GNB1L: variants seen among roughly 807,000 people sequenced by gnomAD.
GNB1L encodes guanine nucleotide-binding protein subunit beta-like protein 1.
In GNB1L, 20 loss-of-function variants were observed where a neutral mutation model predicts 29.1. The observed-to-expected ratio is 0.69, with a 90% CI of 0.48 to 1.00. The LOEUF (loss-of-function observed/expected upper bound fraction) is 1.00. Ranked by LOEUF, GNB1L falls within the 50% of genes least tolerant of loss-of-function variation. The probability of loss-of-function intolerance (pLI) is 0.00; values close to 1 mark genes in which losing one functional copy is unlikely to be tolerated. For synonymous variants in GNB1L, 193 were observed against 206.5 expected, an observed-to-expected ratio of 0.93 and a Z score of 0.56; for missense variants, 421 against 464.9, an observed-to-expected ratio of 0.91 and a Z score of 0.87.
intron 4 of GNB1L, among the ~76,000 whole-genome samples, chr22:19,813,060 C>T (rs757159957): frequency 2.0e-5 from 3 of 152,184 alleles, no homozygotes; most frequent in Admixed American, 6.5e-5. Flanking sequence ...GGAGATGTGA[C>T]GAAGAGGCAC....
At chr22:19,852,106 A>C (rs1938119755) in intron 2 of GNB1L, 1 of 1,614,100 alleles carries the variant, frequency 6.2e-7, no homozygotes, top group South Asian at 1.1e-5. Flanking sequence ...CGGTGTCCCC[A>C]CAGCAGGGCC....
chr22:19,804,868 C>T (rs1937414777), intron 6 of GNB1L, among the ~76,000 whole-genome samples: 1 of 152,244 alleles, frequency 6.6e-6, no homozygotes, highest in South Asian at 2.1e-4. Flanking sequence ...CATGATTGTG[C>T]AATGACCCAC....
chr22:19,793,153 C>CAA, intron 7 of GNB1L: 13 of 912,570 alleles, frequency 1.4e-5, no homozygotes, highest in Non-Finnish European at 1.6e-5. Context: ...AATTTTCCTT[C>CAA]AAAAAAAAAA....
intron 2 of GNB1L, among the ~76,000 whole-genome samples, chr22:19,837,097 G>A (rs1247709416): frequency 6.6e-6 from 1 of 151,876 alleles, no homozygotes; most frequent in Non-Finnish European, 1.5e-5. Context: ...CTCCTGAGTA[G>A]CTGGGACTAC....
rs1491434363 is a variant in GNB1L at position 19,847,803 on chromosome 22, GCA to G, written c.-21+6638_-21+6639del. The G allele has an allele frequency of 1.1e-5, 5 of 440,404 alleles. 1 individual carries two copies. The African/African-American group carries it at 1.7e-4, about 15-fold the overall frequency. The allele number at this position is 440,404 out of a possible 1,614,324, so 27.3% of individuals were successfully genotyped here. A position where few individuals can be genotyped will look rare whatever the true frequency, so the allele number is the denominator to read the frequency against. On this transcript the variant is annotated intron_variant, in intron 2 of 7. Coordinates refer to ENST00000329517, the MANE Select transcript of GNB1L (RefSeq NM_053004.3). Reference sequence around the variant, plus strand: ...AACTTTTAAAATCCTGGAATCATAGGCAAAAAAAAAAAAAAAAAAAAATTCAC... The same window carrying G: ...AACTTTTAAAATCCTGGAATCATAGGAAAAAAAAAAAAAAAAAAAATTCAC...
At chr22:19,851,679 G>A in intron 2 of GNB1L, 1 of 1,596,864 alleles carries the variant, frequency 6.3e-7, no homozygotes, top group Non-Finnish European at 8.6e-7. Flanking sequence ...AGGGGCAGGG[G>A]ACAGGTAACC....
chr22:19,812,476 G>A (rs1488564258), intron 4 of GNB1L, 29 bp from the exon 5 acceptor site: 3 of 1,589,558 alleles, frequency 1.9e-6, no homozygotes, highest in East Asian at 2.3e-5. Context: ...ACAGGCCTGA[G>A]ACTCCCCTTG....
chr22:19,844,983 G>A (rs189959564), intron 2 of GNB1L, among the ~76,000 whole-genome samples: 3 of 152,338 alleles, frequency 2.0e-5, no homozygotes, highest in Non-Finnish European at 4.4e-5. Context: ...CCTGGGGCTG[G>A]TGCCCCTGGC....
In GNB1L at chr22:19,802,150, C is replaced by T. The variant is rs374236553; in HGVS notation, c.583G>A (p.Val195Ile). The change falls in exon 7 of 8, where the codon GTC becomes ATC. Residue 195 changes from valine to isoleucine, a missense_variant. Physicochemically the swap from Val to Ile is conservative, Grantham distance 29. Transcript: ENST00000329517. ...CGGCTGCACACCTTCTGCTCAGAGA[C>T]GTCCCACAGGACCACCGATCCATCC... ...YEDGSVVLWD[V>I]SEQKVCSRIA... 6.2e-6 allele frequency: 10 copies of T among 1,613,086 alleles called. No individual in the cohort carries two copies. The highest frequency in any genetic ancestry group is 5.0e-5 in the Admixed American group (3 of 60,004).
At chr22:19,811,755 C>A (rs1449753757) in intron 5 of GNB1L, among the ~76,000 whole-genome samples, 1 of 152,140 alleles carries the variant, frequency 6.6e-6, no homozygotes, top group African/African-American at 2.4e-5. Context: ...CACCTTGTGC[C>A]TGCACCCACC....
chr22:19,821,485 G>T, intron 2 of GNB1L, 110 bp from the exon 3 acceptor site: 1 of 1,079,180 alleles, frequency 9.3e-7, no homozygotes, highest in Non-Finnish European at 1.3e-6. Flanking sequence ...ATTGTCTCTG[G>T]CCCTGTGCCC....
intron 2 of GNB1L, among the ~76,000 whole-genome samples, chr22:19,839,124 A>G (rs1390112415): frequency 1.3e-5 from 2 of 152,190 alleles, no homozygotes; most frequent in Non-Finnish European, 2.9e-5. Flanking sequence ...ACTGTCATGG[A>G]TCAGAAGGAG....
chr22:19,846,665 T>A, intron 2 of GNB1L: 1 of 687,166 alleles, frequency 1.5e-6, no homozygotes, highest in African/African-American at 1.9e-5. Flanking sequence ...AAGAGGTAAT[T>A]CAGGGTTAAA....
In GNB1L at chr22:19,820,672, A is replaced by T. The variant is rs1208098570; in HGVS notation, c.180T>A (p.Val60=). The T allele has an allele frequency of 6.2e-7, 1 of 1,613,404 alleles. No homozygotes were observed. Among genetic ancestry groups the T allele is most frequent in the Non-Finnish European group, 8.5e-7 (1 of 1,179,894 alleles). The part of the protein sequence containing the change: ...HIWSLQTRRA[V]TTLDGHGGQC... ...GGCCGCCGTGGCCATCCAGGGTGGTAACCGCTCTCCGCGTCTGCAGGCTCC... is the reference window on the plus strand; with the variant it reads ...GGCCGCCGTGGCCATCCAGGGTGGTTACCGCTCTCCGCGTCTGCAGGCTCC... The change falls in exon 4 of 8, where the codon GTT becomes GTA. Residue 60 remains valine, a synonymous_variant. Transcript: ENST00000329517.
intron 2 of GNB1L, chr22:19,850,454 C>A: frequency 1.0e-6 from 1 of 999,462 alleles, no homozygotes. Context: ...TTCAGAACAC[C>A]AGGCACGATT....
At chr22:19,806,451 G>A (rs1937435473) in intron 6 of GNB1L, among the ~76,000 whole-genome samples, 1 of 152,240 alleles carries the variant, frequency 6.6e-6, no homozygotes, top group Non-Finnish European at 1.5e-5. Flanking sequence ...GCTGAAGCCA[G>A]GCCTCTCCTG....
rs750658620 is a variant in GNB1L at position 19,821,219 on chromosome 22, G to C, written c.128+9C>G. The C allele has an allele frequency of 6.2e-7, 1 of 1,605,594 alleles. No homozygotes were observed. The highest frequency in any genetic ancestry group is 8.5e-7 in the Non-Finnish European group (1 of 1,174,952). On this transcript the variant is annotated intron_variant, in intron 3 of 7. Coordinates refer to ENST00000329517, the MANE Select transcript of GNB1L (RefSeq NM_053004.3). ...TGGGTGGCCTGGGGCTGGGGCCACA[G>C]CTACTCACCCTGAGAAGAGGAGCGG...
At position 19,806,649 on chromosome 22, in the gene GNB1L, G is replaced by A. The variant is rs755215091; in HGVS notation, c.516+10C>T. On this transcript the variant is annotated intron_variant, in intron 6 of 7. Transcript: ENST00000329517. Reference sequence around the variant, plus strand: ...CCGGCAGGGCGTGGCTGGTGCACGCGGGGCCTTACCTGCCACAGCCGCAGG... The same window carrying A: ...CCGGCAGGGCGTGGCTGGTGCACGCAGGGCCTTACCTGCCACAGCCGCAGG... 2.1e-5 allele frequency: 33 copies of A among 1,580,466 alleles called. No individual in the cohort carries two copies. In the Middle Eastern group the frequency reaches 5.1e-4, roughly 24 times the overall value.
At chr22:19,852,340 A>C (rs1397889293) in intron 2 of GNB1L, 1 of 1,464,870 alleles carries the variant, frequency 6.8e-7, no homozygotes, top group Non-Finnish European at 9.3e-7. Context: ...CTTGCACGAC[A>C]CAACAGGACA....
Sources: gnomAD v4.1 joint callset for allele counts (sites outside exome capture counted in the v4.1 genomes callset) on GRCh38, gnomAD v4.1.1 for gene constraint, MANE v1.5 for transcripts, NCBI Gene and HGNC (gene_info 2026-07-23, HGNC 2026-07-21) for gene names.